The following POLQ variants were observed in gnomAD, a reference collection of about 807,000 sequenced individuals.
The protein encoded by POLQ is DNA polymerase theta.
In POLQ, 233 loss-of-function variants were observed where a neutral mutation model predicts 259.2. The observed-to-expected ratio is 0.90, with a 90% CI of 0.81 to 1.00. POLQ has a LOEUF of 1.00. Among genes scored for constraint, POLQ ranks in the 50% least tolerant of loss-of-function variants. POLQ has a pLI of 0.00. For missense variants in POLQ, 2,871 were observed against 3,051.6 expected (o/e 0.94, Z 1.39); for synonymous variants, 1,025 against 1,048.8 (o/e 0.98, Z 0.44).
At chr3:121,542,812 T>A (rs1260560664) in intron 2 of POLQ, among the ~76,000 whole-genome samples, 1 of 151,940 alleles carries the variant, frequency 6.6e-6, no homozygotes, top group Non-Finnish European at 1.5e-5. Flanking sequence ...TAAACAAAAA[T>A]TTTTTTTAAA....
At chr3:121,458,065 A>G (rs1394122593) in intron 25 of POLQ, among the ~76,000 whole-genome samples, 1 of 152,204 alleles carries the variant, frequency 6.6e-6, no homozygotes, top group African/African-American at 2.4e-5. Context: ...ATAAAAAATG[A>G]TGAGTTCATG....
At chr3:121,452,192 T>A (rs556732442) in intron 25 of POLQ, among the ~76,000 whole-genome samples, 2 of 152,304 alleles carry the variant, frequency 1.3e-5, no homozygotes, top group East Asian at 1.9e-4. Flanking sequence ...TGTCACAGCT[T>A]CCCTTGGCTA....
At chr3:121,438,582 T>C (rs1329962515) in intron 27 of POLQ, among the ~76,000 whole-genome samples, 2 of 152,350 alleles carry the variant, frequency 1.3e-5, no homozygotes, top group African/African-American at 2.4e-5. Flanking sequence ...GTTTGGCTTC[T>C]AGCCAGTCCT....
At chr3:121,471,614 C>T (rs1327003538) in intron 22 of POLQ, among the ~76,000 whole-genome samples, 5 of 152,104 alleles carry the variant, frequency 3.3e-5, no homozygotes, top group African/African-American at 4.8e-5. Flanking sequence ...TGGTGGTATG[C>T]GCCTGTAATC....
chr3:121,470,279 TAAAAG>T (rs1180521646), intron 22 of POLQ, among the ~76,000 whole-genome samples: 1 of 152,064 alleles, frequency 6.6e-6, no homozygotes, highest in African/African-American at 2.4e-5. Flanking sequence ...AATAAATAAA[TAAAAG>T]AAAATTCTAG....
intron 12 of POLQ, among the ~76,000 whole-genome samples, chr3:121,501,262 A>G (rs1576418858): frequency 6.6e-6 from 1 of 151,906 alleles, no homozygotes; most frequent in East Asian, 1.9e-4. Flanking sequence ...GCCCAGCCTC[A>G]ACTAAGAATA....
At chr3:121,452,295 A>G (rs187289622) in intron 25 of POLQ, among the ~76,000 whole-genome samples, 1 of 152,172 alleles carries the variant, frequency 6.6e-6, no homozygotes, top group African/African-American at 2.4e-5. Flanking sequence ...CCCACTGTCC[A>G]ACAAGCCCCA....
chr3:121,487,626 C>T lies in POLQ; in HGVS notation c.5305G>A (p.Gly1769Ser), dbSNP rs754750251. 6.2e-7 allele frequency: 1 copy of T among 1,613,852 alleles called. No individual in the cohort carries two copies. Among genetic ancestry groups the T allele is most frequent in the Non-Finnish European group, 8.5e-7 (1 of 1,179,896 alleles). The change falls in exon 16 of 30, where the codon GGT becomes AGT. Residue 1769 changes from glycine to serine, a missense_variant. This residue lies in a region of POLQ where 2,080 missense variants were observed against 2,126.0 expected (regional missense o/e 0.98). Transcript: ENST00000264233. ...GGTGAGCCAAATAAATAACTTTCACCAGGTTGTAAAACATTATTAGTTTTC... is the reference window on the plus strand; with the variant it reads ...GGTGAGCCAAATAAATAACTTTCACTAGGTTGTAAAACATTATTAGTTTTC... Reference protein sequence around the residue: ...PWKTNNVLQPGESYLFGSPSD... With the variant: ...PWKTNNVLQPSESYLFGSPSD...
At chr3:121,533,602 G>A (rs531377565) in intron 5 of POLQ, among the ~76,000 whole-genome samples, 12 of 152,036 alleles carry the variant, frequency 7.9e-5, no homozygotes, top group East Asian at 5.8e-4. Context: ...TGCAACCTCC[G>A]CCTCCCAGGT....
intron 25 of POLQ, among the ~76,000 whole-genome samples, chr3:121,457,629 A>C (rs1360365293): frequency 6.6e-6 from 1 of 152,244 alleles, no homozygotes; most frequent in African/African-American, 2.4e-5. Context: ...AAGACACATG[A>C]AAAAATGCTC....
intron 12 of POLQ, among the ~76,000 whole-genome samples, chr3:121,502,323 C>G (rs1171111064): frequency 6.6e-6 from 1 of 152,116 alleles, no homozygotes; most frequent in East Asian, 1.9e-4. Flanking sequence ...TGTGCTTCAG[C>G]CTCCTGAGTA....
intron 18 of POLQ, 137 bp downstream of exon 18, chr3:121,483,249 A>T: frequency 2.1e-6 from 1 of 468,694 alleles, no homozygotes; most frequent in Non-Finnish European, 3.7e-6. Flanking sequence ...TGGGTAGATG[A>T]GATTATTGAA....
At chr3:121,479,741 C>T (rs1404024848) in intron 19 of POLQ, among the ~76,000 whole-genome samples, 1 of 152,096 alleles carries the variant, frequency 6.6e-6, no homozygotes, top group South Asian at 2.1e-4. Context: ...GCATGAGCCA[C>T]TGCACCCGGC....
intron 25 of POLQ, among the ~76,000 whole-genome samples, chr3:121,457,659 G>GAAATGCAAATC (rs955979737): frequency 6.6e-6 from 1 of 152,204 alleles, no homozygotes; most frequent in Non-Finnish European, 1.5e-5. Context: ...GGCCATCAGA[G>GAAATGCAAATC]AAATGCAAAT....
At chr3:121,458,397 A>T (rs2047761343) in intron 25 of POLQ, among the ~76,000 whole-genome samples, 3 of 151,578 alleles carry the variant, frequency 2.0e-5, no homozygotes, top group South Asian at 2.1e-4. Context: ...ATAATAAAAT[A>T]AAAATAAATA....
rs747828084 is a variant in POLQ at position 121,532,997 on chromosome 3, T to C, written c.953A>G (p.Gln318Arg). 1 of 1,599,566 alleles carries C rather than the reference T, an allele frequency of 6.3e-7. No individual in the cohort carries two copies. The highest frequency in any genetic ancestry group is 1.1e-5 in the South Asian group (1 of 90,404). The change falls in exon 6 of 30, where the codon CAA (glutamine) becomes CGA (arginine). Residue 318 changes from glutamine (Q) to arginine (R), a missense_variant. Gln to Arg is a conservative substitution (Grantham distance 43, BLOSUM62 1). Coordinates refer to ENST00000264233, the MANE Select transcript of POLQ (RefSeq NM_199420.4). ...GTACATATATTGATTTACCTTCACT[T>C]GTAGCATGGGCTCAAATTCCCTCAC... The part of the protein sequence containing the change: ...KLVREFEPML[Q>R]VKGDEDHVVS...
chr3:121,498,350 G>T, intron 13 of POLQ, 127 bp downstream of exon 13: 1 of 564,936 alleles, frequency 1.8e-6, no homozygotes, highest in Non-Finnish European at 3.0e-6. Flanking sequence ...AAAGAAAACT[G>T]AAAAATCTTA....
chr3:121,494,472 C>A, intron 14 of POLQ: 3 of 1,486,832 alleles, frequency 2.0e-6, no homozygotes, highest in Non-Finnish European at 2.8e-6. Context: ...AAGAAGAAAG[C>A]TGCTGGCAGA....
intron 26 of POLQ, among the ~76,000 whole-genome samples, chr3:121,447,443 G>A (rs781024922): frequency 2.0e-5 from 3 of 152,032 alleles, no homozygotes; most frequent in Middle Eastern, 3.2e-3. Flanking sequence ...GATTACAGGT[G>A]TGACCCACCG....
Sources: allele counts gnomAD v4.1 joint callset (sites outside exome capture counted in the v4.1 genomes callset), GRCh38; gene constraint gnomAD v4.1.1; regional missense constraint gnomAD v4.1.1; transcripts MANE v1.5; gene names NCBI Gene and HGNC (gene_info 2026-07-23, HGNC 2026-07-21).